Variants in MYRF observed in about 807,000 individuals in gnomAD.
MYRF encodes myelin regulatory factor, also known as myelin gene regulatory factor.
A neutral mutation model predicts 126.3 loss-of-function variants in MYRF; 16 were observed. That is an observed-to-expected ratio of 0.13 (90% CI 0.09 to 0.19). MYRF has a LOEUF of 0.19. Ranked by LOEUF, MYRF falls within the 10% of genes least tolerant of loss-of-function variation. The pLI is 1.00. For missense variants in MYRF, 1,104 were observed against 1,547.0 expected (o/e 0.71, Z 4.80); for synonymous variants, 608 against 635.3 (o/e 0.96, Z 0.65).
At chr11:61,770,784 G>T (rs1015113134) in intron 5 of MYRF, among the ~76,000 whole-genome samples, 10 of 152,144 alleles carry the variant, frequency 6.6e-5, no homozygotes, top group African/African-American at 2.4e-4. Context: ...CTCTGATGGG[G>T]GAAATGTCCC....
At chr11:61,766,344 G>A in intron 3 of MYRF, 123 bp downstream of exon 3, 3 of 1,106,968 alleles carry the variant, frequency 2.7e-6, no homozygotes, top group Middle Eastern at 2.9e-4. Flanking sequence ...GTGACTGGCT[G>A]TGCGTGGGCA....
At chr11:61,756,927 G>A (rs990749219) in intron 1 of MYRF, among the ~76,000 whole-genome samples, 1 of 152,142 alleles carries the variant, frequency 6.6e-6, no homozygotes, top group Admixed American at 6.5e-5. Context: ...AGACTGGAGG[G>A]CCCTGGCAGC....
chr11:61,784,635 A>G lies in MYRF; in HGVS notation c.3300+250A>G. The G allele has an allele frequency of 6.0e-6, 3 of 502,310 alleles. No homozygotes were observed. The South Asian group carries it at 6.7e-5, about 11-fold the overall frequency. 31.1% of individuals were successfully genotyped at this position (502,310 alleles called of 1,614,324 possible). A position where few individuals can be genotyped will look rare whatever the true frequency, so the allele number is the denominator to read the frequency against. ...AGACGTGGGGAAGACAGCAGATCAC[A>G]GGTGCTAATGTGGATGAGTGCAATG... On this transcript the variant is annotated intron_variant, in intron 25 of 26. Transcript: ENST00000278836.
intron 1 of MYRF, among the ~76,000 whole-genome samples, chr11:61,762,688 G>A (rs763276888): frequency 6.6e-6 from 1 of 152,196 alleles, no homozygotes; most frequent in African/African-American, 2.4e-5. Flanking sequence ...TGTGGTTCAC[G>A]GGCGGGCTGG....
At position 61,771,479 on chromosome 11, in the gene MYRF, C is replaced by A. The variant is rs549532247; in HGVS notation, c.741-21C>A. On this transcript the variant is annotated intron_variant, in intron 5 of 26. Transcript: ENST00000278836. ...GCTCGGGGAGAGCCAGCCCCCACGG[C>A]GCACACTTCTGTTTCCCCAGGCTCC... is the stretch of plus-strand genomic sequence containing the variant. The A allele has an allele frequency of 1.8e-5, 29 of 1,601,352 alleles. 1 individual carries two copies. The South Asian group carries it at 3.1e-4, about 17-fold the overall frequency.
chr11:61,763,270 C>G (rs567343682), intron 1 of MYRF, among the ~76,000 whole-genome samples: 2 of 152,208 alleles, frequency 1.3e-5, no homozygotes, highest in African/African-American at 4.8e-5. Flanking sequence ...GAGACTTGAC[C>G]TCTCTGAACA....
At chr11:61,775,601 G>A (rs531589157) in intron 8 of MYRF, among the ~76,000 whole-genome samples, 28 of 152,160 alleles carry the variant, frequency 1.8e-4, no homozygotes, top group African/African-American at 4.6e-4. Flanking sequence ...TAGAGGAGAC[G>A]TGGGTATGGA....
intron 18 of MYRF, 109 bp downstream of exon 18, chr11:61,780,399 C>G: frequency 1.0e-6 from 1 of 982,096 alleles, no homozygotes; most frequent in Non-Finnish European, 1.5e-6. Context: ...TCATCCTTAG[C>G]CTCTTAGCCT....
Position 61,780,984 on chromosome 11 carries a change from GCAGCTCCGA to G in MYRF, c.2515_2523del (p.Leu839_Gln841del). 1 of 1,610,010 alleles carries G rather than the reference GCAGCTCCGA, an allele frequency of 6.2e-7. No individual in the cohort carries two copies. Among genetic ancestry groups the G allele is most frequent in the East Asian group, 2.2e-5 (1 of 44,874 alleles). On this transcript the variant is annotated inframe_deletion, in exon 20 of 27. Coordinates refer to ENST00000278836, the MANE Select transcript of MYRF (RefSeq NM_001127392.3). ...GGTCCAGCCAGAGCTTTGGGACCACGCAGCTCCGACAGTCCCCCTTGACCACGGGGCTAC... is the reference window on the plus strand; with the variant it reads ...GGTCCAGCCAGAGCTTTGGGACCACGCAGTCCCCCTTGACCACGGGGCTAC...
rs1433963641 is a variant in MYRF, at chr11:61,770,315, A to T, written c.530A>T (p.His177Leu). The T allele has an allele frequency of 6.3e-7, 1 of 1,595,114 alleles. No individual in the cohort carries two copies. Among genetic ancestry groups the T allele is most frequent in the Non-Finnish European group, 8.5e-7 (1 of 1,172,696 alleles). The change falls in exon 5 of 27, where the codon CAT becomes CTT. Residue 177 changes from histidine (H) to leucine (L), a missense_variant. Physicochemically the swap from His to Leu is moderately conservative, Grantham distance 99. Coordinates refer to ENST00000278836, the MANE Select transcript of MYRF (RefSeq NM_001127392.3). ...CHVGVPSRLE[H>L]PPPPPAHLPG... is the part of the protein sequence containing the mutation. ...GTGGGAGTGCCCTCCCGCCTGGAGC[A>T]TCCGCCCCCACCTCCAGCCCACTTG...
intron 7 of MYRF, 41 bp downstream of exon 7, chr11:61,771,993 C>T (rs376650738): frequency 3.1e-6 from 5 of 1,609,234 alleles, no homozygotes; most frequent in South Asian, 1.1e-5. Flanking sequence ...CAGGCCCCCC[C>T]ACCTTGGGAC....
chr11:61,775,493 T>C (rs1339505677), intron 8 of MYRF, among the ~76,000 whole-genome samples: 1 of 152,180 alleles, frequency 6.6e-6, no homozygotes, highest in African/African-American at 2.4e-5. Context: ...TTTGAGTCTA[T>C]GAGCTCCCTG....
chr11:61,771,975 C>A (rs2135793969), intron 7 of MYRF, 23 bp downstream of exon 7: 1 of 1,612,868 alleles, frequency 6.2e-7, no homozygotes, highest in East Asian at 2.2e-5. Context: ...CAACACTCCC[C>A]ACTCCTCCAG....
At position 61,768,846 on chromosome 11, in the gene MYRF, C is replaced by T. The variant is rs183936744; in HGVS notation, c.399-414C>T. 5.1e-4 allele frequency: 89 copies of T among 174,842 alleles called. No individual in the cohort carries two copies. In the East Asian group the frequency reaches 0.012, roughly 24 times the overall value. The allele number at this position is 174,842 out of a possible 1,614,324, so 10.8% of individuals were successfully genotyped here. The stretch of plus-strand genomic sequence containing the variant: ...CAGTCCACACCTGCCTCTGGTGGGG[C>T]AGCCCCCCATGACCTGCTGAATGCC... On this transcript the variant is annotated intron_variant, in intron 3 of 26. Transcript: ENST00000278836.
At position 61,773,962 on chromosome 11, in the gene MYRF, C is replaced by G. The variant is rs370509991; in HGVS notation, c.1116-5C>G. 4.4e-6 allele frequency: 7 copies of G among 1,606,732 alleles called. No individual in the cohort carries two copies. The highest frequency in any genetic ancestry group is 1.7e-5 in the Admixed American group (1 of 59,616). ...TCAGGGGAGTGCCCTCACCCGCCCC[C>G]CCAGGCCCATGCTCACCTACCGCGT... is the stretch of plus-strand genomic sequence containing the variant. On this transcript the variant is annotated splice_region_variant and splice_polypyrimidine_tract_variant and intron_variant, in intron 7 of 26. Transcript: ENST00000278836.
At position 61,781,491 on chromosome 11, in the gene MYRF, C is replaced by T; in HGVS notation, c.2765-82C>T. The stretch of plus-strand genomic sequence containing the variant: ...GACCAAGAGACACATGGGGTTCACT[C>T]AGTCTTGTGGGGCCCTAGAGACAGC... On this transcript the variant is annotated intron_variant, in intron 21 of 26. Transcript: ENST00000278836. The T allele has an allele frequency of 5.1e-6, 8 of 1,555,242 alleles. No homozygotes were observed. The South Asian group carries it at 8.6e-5, about 17-fold the overall frequency.
At chr11:61,766,320 A>T in intron 3 of MYRF, 99 bp downstream of exon 3, 1 of 1,334,534 alleles carries the variant, frequency 7.5e-7, no homozygotes, top group Non-Finnish European at 1.0e-6. Flanking sequence ...CTGGCCTGGC[A>T]TGGGATGGGC....
intron 4 of MYRF, among the ~76,000 whole-genome samples, chr11:61,769,722 C>T (rs970762043): frequency 7.9e-5 from 12 of 152,150 alleles, no homozygotes; most frequent in African/African-American, 2.4e-4. Context: ...GCAGGCTCCC[C>T]GCAGTCCGGA....
intron 1 of MYRF, among the ~76,000 whole-genome samples, chr11:61,764,424 G>T (rs746855453): frequency 6.6e-6 from 1 of 152,220 alleles, no homozygotes; most frequent in Non-Finnish European, 1.5e-5. Context: ...CCCATTGCAC[G>T]AATGAGGAGA....
Sources: gnomAD v4.1 joint callset for allele counts (sites outside exome capture counted in the v4.1 genomes callset) on GRCh38, gnomAD v4.1.1 for gene constraint, MANE v1.5 for transcripts, NCBI Gene and HGNC (gene_info 2026-07-23, HGNC 2026-07-21) for gene names.